The following DMXL2 variants were observed in gnomAD, a reference collection of about 807,000 sequenced individuals.
The protein encoded by DMXL2 is Dmx like 2, also known as dmX-like protein 2.
Under a neutral mutation model 331.1 loss-of-function variants are expected in DMXL2, and 103 were observed. That is an observed-to-expected ratio of 0.31 (90% confidence interval 0.27 to 0.37). DMXL2 has a LOEUF of 0.37. Ranked by LOEUF, DMXL2 falls within the 10% of genes least tolerant of loss-of-function variation. The pLI is 1.00. For missense variants in DMXL2, 3,171 were observed against 3,642.9 expected (o/e 0.87, Z 3.33); for synonymous variants, 1,281 against 1,252.1 (o/e 1.02, Z -0.49).
rs2140415294 is a variant in DMXL2, at chr15:51,487,947, T to C, written c.5217+7A>G. On this transcript the variant is annotated splice_region_variant and intron_variant, in intron 22 of 43. Transcript: ENST00000560891. ...AAGTATTATATAGTGTGTTTTCTTA[T>C]TTATACCTCTATGGCATCTTTCAAT... The C allele has an allele frequency of 2.5e-6, 4 of 1,594,194 alleles. No homozygotes were observed. The highest frequency in any genetic ancestry group is 2.6e-6 in the Non-Finnish European group (3 of 1,173,316).
intron 43 of DMXL2, among the ~76,000 whole-genome samples, chr15:51,449,544 C>G (rs985817781): frequency 6.6e-6 from 1 of 152,168 alleles, no homozygotes; most frequent in Non-Finnish European, 1.5e-5. Context: ...CCCCTACTTA[C>G]GATGGTTTGA....
intron 13 of DMXL2, among the ~76,000 whole-genome samples, chr15:51,521,296 A>T (rs1020313958): frequency 5.3e-5 from 8 of 152,062 alleles, no homozygotes; most frequent in African/African-American, 1.9e-4. Flanking sequence ...CCTTACCTCT[A>T]AAGTATGGAT....
intron 1 of DMXL2, among the ~76,000 whole-genome samples, chr15:51,600,571 TTCTC>T (rs936224547): frequency 6.6e-6 from 1 of 152,204 alleles, no homozygotes; most frequent in Non-Finnish European, 1.5e-5. Flanking sequence ...CTACTTTCTC[TTCTC>T]TCTAAAATCT....
intron 19 of DMXL2, among the ~76,000 whole-genome samples, chr15:51,493,171 C>T (rs2042926964): frequency 6.6e-6 from 1 of 152,010 alleles, no homozygotes; most frequent in Non-Finnish European, 1.5e-5. Flanking sequence ...CTAATTTTTT[C>T]ACTATTTAAA....
chr15:51,525,923 C>T (rs534629374), intron 13 of DMXL2, among the ~76,000 whole-genome samples: 1 of 152,102 alleles, frequency 6.6e-6, no homozygotes, highest in Admixed American at 6.5e-5. Context: ...TACCTGCAGA[C>T]TGCAGGAGCC....
chr15:51,591,991 C>T (rs1229140088), intron 1 of DMXL2, among the ~76,000 whole-genome samples: 1 of 152,172 alleles, frequency 6.6e-6, no homozygotes, highest in Non-Finnish European at 1.5e-5. Context: ...AAACTGGAAA[C>T]TCTAAAAATC....
chr15:51,583,106 C>CTTTTTTTTTTTTTTTTTTTTTTTT (rs57226377), intron 1 of DMXL2, among the ~76,000 whole-genome samples: 2 of 87,176 alleles, frequency 2.3e-5, no homozygotes, highest in Non-Finnish European at 4.9e-5. Context: ...CTTCATTCTT[C>CTTTTTTTTTTTTTTTTTTTTTTTT]TTTTTTTTTT....
Position 51,499,246 on chromosome 15 carries a change from A to G in DMXL2, c.3978T>C (p.Thr1326=). The G allele has an allele frequency of 2.5e-6, 4 of 1,614,002 alleles. No individual in the cohort carries two copies. The highest frequency in any genetic ancestry group is 2.5e-6 in the Non-Finnish European group (3 of 1,180,024). ...AISDDVFCSP[T]VIQDGGLFEA... is the part of the protein sequence containing the mutation. ...CAAATAAGCCACCATCTTGAATTAC[A>G]GTTGGTGAACAAAAAACATCATCAG... Residue 1326 remains threonine, a synonymous_variant, in exon 18 of 44, where the codon ACT becomes ACC. Transcript: ENST00000560891.
rs1448035017 is a variant in DMXL2 at position 51,480,845 on chromosome 15, T to G, written c.6261A>C (p.Ile2087=). 2 of 1,613,106 alleles carry G rather than the reference T, an allele frequency of 1.2e-6. No homozygotes were observed. Among genetic ancestry groups the G allele is most frequent in the Admixed American group, 1.7e-5 (1 of 59,808 alleles). Residue 2087 remains isoleucine, a synonymous_variant, in exon 24 of 44, where the codon ATA becomes ATC. Transcript: ENST00000560891. The stretch of plus-strand genomic sequence containing the variant: ...CTTTAATAACTGATTCATGATTACA[T>G]ATCTCATGCAAGGCAGCAATTTCCT... ...LEKEIAALHE[I]CNHESVIKEY... is the part of the protein sequence containing the mutation.
At chr15:51,484,307 G>A (rs943373463) in intron 23 of DMXL2, among the ~76,000 whole-genome samples, 2 of 152,138 alleles carry the variant, frequency 1.3e-5, no homozygotes, top group African/African-American at 2.4e-5. Flanking sequence ...CCCAATCCCA[G>A]CCAACCAGAC....
intron 1 of DMXL2, among the ~76,000 whole-genome samples, chr15:51,599,379 CAGTT>C (rs1181360247): frequency 2.0e-5 from 3 of 152,284 alleles, no homozygotes; most frequent in East Asian, 1.9e-4. Context: ...TCTCAGCTGA[CAGTT>C]AGGAAAACAA....
chr15:51,572,083 T>C (rs752530741), intron 2 of DMXL2, among the ~76,000 whole-genome samples: 51 of 151,696 alleles, frequency 3.4e-4, no homozygotes, highest in Non-Finnish European at 5.9e-4. Context: ...ATAGACACAA[T>C]AGAAAATGAT....
intron 6 of DMXL2, among the ~76,000 whole-genome samples, chr15:51,553,321 AT>A (rs1464130082): frequency 6.6e-6 from 1 of 152,242 alleles, no homozygotes; most frequent in Non-Finnish European, 1.5e-5. Flanking sequence ...AATTTCAGAT[AT>A]AATTTCAAAT....
intron 6 of DMXL2, among the ~76,000 whole-genome samples, chr15:51,556,319 G>A (rs1318966816): frequency 2.0e-5 from 3 of 146,778 alleles, no homozygotes; most frequent in Non-Finnish European, 4.5e-5. Context: ...CTCCACCCTG[G>A]GTGACAGAGC....
At chr15:51,505,823 A>T (rs2046364470) in intron 16 of DMXL2, among the ~76,000 whole-genome samples, 1 of 152,272 alleles carries the variant, frequency 6.6e-6, no homozygotes, top group Non-Finnish European at 1.5e-5. Flanking sequence ...ATTAATTACA[A>T]GACATAATAA....
At chr15:51,473,557 A>G (rs1342177051) in intron 28 of DMXL2, among the ~76,000 whole-genome samples, 2 of 152,228 alleles carry the variant, frequency 1.3e-5, no homozygotes, top group Non-Finnish European at 2.9e-5. Context: ...GAACCTATTT[A>G]TTTAACTCAA....
intron 20 of DMXL2, 118 bp from the exon 21 acceptor site, chr15:51,488,763 G>C: frequency 2.4e-6 from 2 of 848,226 alleles, no homozygotes; most frequent in Non-Finnish European, 3.6e-6. Flanking sequence ...GACAGAAAAA[G>C]TTGGTTCTGT....
intron 6 of DMXL2, among the ~76,000 whole-genome samples, chr15:51,550,510 A>G (rs946454711): frequency 7.2e-5 from 11 of 152,136 alleles, no homozygotes; most frequent in African/African-American, 2.4e-4. Flanking sequence ...TGGTGAGAAG[A>G]CTTGAAATTT....
At chr15:51,595,177 A>G (rs1469443105) in intron 1 of DMXL2, among the ~76,000 whole-genome samples, 3 of 152,202 alleles carry the variant, frequency 2.0e-5, no homozygotes, top group Non-Finnish European at 4.4e-5. Context: ...AAACCCCATC[A>G]TCTCAGCCCA....
Sources: gnomAD v4.1 joint callset for allele counts (sites outside exome capture counted in the v4.1 genomes callset) on GRCh38, gnomAD v4.1.1 for gene constraint, MANE v1.5 for transcripts, NCBI Gene and HGNC (gene_info 2026-07-23, HGNC 2026-07-21) for gene names.